The following CCDC92 variants were observed in gnomAD, a reference collection of about 807,000 sequenced individuals.
CCDC92 encodes coiled-coil domain containing 92, also known as coiled-coil domain-containing protein 92.
In CCDC92, 12 loss-of-function variants were observed where a neutral mutation model predicts 24.9. The observed-to-expected ratio is 0.48, with a 90% CI of 0.31 to 0.78. The LOEUF (loss-of-function observed/expected upper bound fraction) is 0.78, where lower values mean the gene tolerates loss of function less well. Ranked by LOEUF, CCDC92 falls within the 30% of genes least tolerant of loss-of-function variation. The pLI, the probability that CCDC92 is intolerant of heterozygous loss-of-function variation, is 0.05. For missense variants in CCDC92, 399 were observed against 439.4 expected (o/e 0.91, Z 0.82); for synonymous variants, 193 against 196.3 (o/e 0.98, Z 0.14).
At chr12:123,951,298 A>G (rs1231855954) in intron 1 of CCDC92, among the ~76,000 whole-genome samples, 2 of 152,208 alleles carry the variant, frequency 1.3e-5, no homozygotes, top group Admixed American at 1.3e-4. Flanking sequence ...TTCCAGAAGC[A>G]ATATTCCAAC....
chr12:123,950,639 A>C (rs1956002399), intron 1 of CCDC92, among the ~76,000 whole-genome samples: 1 of 151,668 alleles, frequency 6.6e-6, no homozygotes, highest in South Asian at 2.1e-4. Context: ...GGGCAGACTC[A>C]CTCTCTTCCC....
chr12:123,957,594 A>C (rs527709467), intron 1 of CCDC92, among the ~76,000 whole-genome samples: 1 of 152,290 alleles, frequency 6.6e-6, no homozygotes, highest in African/African-American at 2.4e-5. Context: ...ACATTTGTTA[A>C]TGAGAAGCTG....
chr12:123,965,733 A>G (rs1347532153), intron 1 of CCDC92, among the ~76,000 whole-genome samples: 1 of 152,222 alleles, frequency 6.6e-6, no homozygotes, highest in Non-Finnish European at 1.5e-5. Context: ...GGTAGCTCCA[A>G]AGTGCCTTCA....
At chr12:123,949,730 G>C (rs574872598) in intron 1 of CCDC92, among the ~76,000 whole-genome samples, 1 of 152,206 alleles carries the variant, frequency 6.6e-6, no homozygotes, top group Non-Finnish European at 1.5e-5. Context: ...CTCAAAAAAG[G>C]CTTTTCATTC....
intron 1 of CCDC92, among the ~76,000 whole-genome samples, chr12:123,965,385 T>C (rs1956368079): frequency 6.6e-6 from 1 of 152,216 alleles, no homozygotes; most frequent in Non-Finnish European, 1.5e-5. Context: ...GTATATTCTG[T>C]CCAGAAGTCA....
At chr12:123,959,247 T>C (rs1285688225) in intron 1 of CCDC92, among the ~76,000 whole-genome samples, 1 of 152,154 alleles carries the variant, frequency 6.6e-6, no homozygotes. Flanking sequence ...AATGGAACTT[T>C]CTGTGATGAT....
chr12:123,936,700 G>A lies in CCDC92; in HGVS notation c.*358C>T. 2.9e-6 allele frequency: 1 copy of A among 340,696 alleles called. No homozygotes were observed. 21.1% of individuals were successfully genotyped at this position (340,696 alleles called of 1,614,324 possible). A position where few individuals can be genotyped will look rare whatever the true frequency, so the allele number is the denominator to read the frequency against. ...TTGAGGATAAGGTCAAGGTTGGTAT[G>A]TGTTGCTCCGACTTGAGAATGAATT... On this transcript the variant is annotated 3_prime_UTR_variant, in exon 5 of 5. Coordinates refer to ENST00000238156, the MANE Select transcript of CCDC92 (RefSeq NM_025140.3).
Position 123,944,316 on chromosome 12 carries a change from G to A in CCDC92, c.-11C>T. The stretch of plus-strand genomic sequence containing the variant: ...ATGTGGTGAAGTCATGGGTCTTTCT[G>A]GAAAAGCTACCAGAGTAATTCAAGA... On this transcript the variant is annotated 5_prime_UTR_variant, in exon 2 of 5. Transcript: ENST00000238156. 1 of 1,576,996 alleles carries A rather than the reference G, an allele frequency of 6.3e-7. No homozygotes were observed. The highest frequency in any genetic ancestry group is 8.6e-7 in the Non-Finnish European group (1 of 1,166,116).
At position 123,953,507 on chromosome 12, in the gene CCDC92, A is replaced by G. The variant is rs577560114; in HGVS notation, c.-59-9143T>C. ...TAAAACATTTGTCTCAGCCAGGCACAGTGGCTCATGCCTGTAATCCCAGCA... is the reference window on the plus strand; with the variant it reads ...TAAAACATTTGTCTCAGCCAGGCACGGTGGCTCATGCCTGTAATCCCAGCA... On this transcript the variant is annotated intron_variant, in intron 1 of 4. Transcript: ENST00000238156. Among the ~76,000 whole-genome samples, 549 of 152,360 alleles carry G rather than the reference A, an allele frequency of 3.6e-3. 1 individual carries two copies. The highest frequency in any genetic ancestry group is 8.8e-3 in the Admixed American group (135 of 15,296).
Position 123,943,429 on chromosome 12 carries a change from GTTC to G in CCDC92, c.96_98del (p.Lys32del). 6.2e-7 allele frequency: 1 copy of G among 1,614,142 alleles called. No individual in the cohort carries two copies. The highest frequency in any genetic ancestry group is 8.5e-7 in the Non-Finnish European group (1 of 1,179,998). On this transcript the variant is annotated inframe_deletion, in exon 3 of 5. Transcript: ENST00000238156. ...CATGCTCCCGCTGAAGGAACAGGAG[GTTC>G]TTCTGTGCGCTGTGCAGCTGGTTCT...
intron 1 of CCDC92, among the ~76,000 whole-genome samples, chr12:123,947,840 G>A (rs770316924): frequency 3.9e-5 from 6 of 152,062 alleles, no homozygotes; most frequent in South Asian, 2.1e-4. Context: ...TTGTTCTTTC[G>A]CTCTTTGCAA....
chr12:123,944,190 G>A (rs1955776763), intron 2 of CCDC92, 82 bp downstream of exon 2: 3 of 869,522 alleles, frequency 3.5e-6, no homozygotes, highest in Non-Finnish European at 5.9e-6. Flanking sequence ...TGGTGCAGGT[G>A]TCTGGAGTCT....
chr12:123,971,901 G>A (rs1012507484), intron 1 of CCDC92: 17 of 152,316 alleles, frequency 1.1e-4, no homozygotes, highest in African/African-American at 4.1e-4. Context: ...TTACGGAAAG[G>A]CTACCAGGAC....
chr12:123,958,048 A>AT, intron 1 of CCDC92, among the ~76,000 whole-genome samples: 1 of 149,144 alleles, frequency 6.7e-6, no homozygotes, highest in Non-Finnish European at 1.5e-5. Context: ...GATTATACTC[A>AT]TTTTTTATTT....
At position 123,937,156 on chromosome 12, in the gene CCDC92, G is replaced by A. The variant is rs1348825981; in HGVS notation, c.898C>T (p.Pro300Ser). ...TTCACCTCGGGCTGGGCCTGCGGCGGGGTGGCGTGGTGGATCCGATGTGCC... is the reference window on the plus strand; with the variant it reads ...TTCACCTCGGGCTGGGCCTGCGGCGAGGTGGCGTGGTGGATCCGATGTGCC... ...GVAHRIHHAT[P>S]PQAQPEVKTL... The change falls in exon 5 of 5, where the codon CCG becomes TCG. Residue 300 changes from proline (P) to serine (S), a missense_variant. By Grantham distance (74) the Pro-to-Ser change is moderately conservative. Coordinates refer to ENST00000238156, the MANE Select transcript of CCDC92 (RefSeq NM_025140.3). This position sits in a 1 kb window ranked among gnomAD's most constrained non-coding sequence, Gnocchi z 8.4. 1.9e-6 allele frequency: 3 copies of A among 1,611,630 alleles called. No homozygotes were observed. Among genetic ancestry groups the A allele is most frequent in the East Asian group, 2.2e-5 (1 of 44,856 alleles).
intron 1 of CCDC92, chr12:123,962,663 G>A (rs1395201099): frequency 6.5e-6 from 1 of 153,886 alleles, no homozygotes; most frequent in African/African-American, 2.4e-5. Context: ...AGAGAGGAAG[G>A]TGGCGACTCT....
chr12:123,939,700 C>G (rs1446996474), intron 4 of CCDC92, among the ~76,000 whole-genome samples: 1 of 152,094 alleles, frequency 6.6e-6, no homozygotes, highest in African/African-American at 2.4e-5. Flanking sequence ...GCAGTACTAC[C>G]TTTCATGAGG....
In CCDC92 at chr12:123,967,517, C is replaced by T. The variant is rs573274590; in HGVS notation, c.-60+5012G>A. On this transcript the variant is annotated intron_variant, in intron 1 of 4. Coordinates refer to ENST00000238156, the MANE Select transcript of CCDC92 (RefSeq NM_025140.3). ...CATCTGGGTTGATGTGTGTGACAGC[C>T]GAAGAGAAAGGAGTTACAAAAAGCC... Among the ~76,000 whole-genome samples, 7 of 152,130 alleles carry T rather than the reference C, an allele frequency of 4.6e-5. No individual in the cohort carries two copies. The South Asian group carries it at 1.0e-3, about 23-fold the overall frequency.
At chr12:123,944,173 C>G in intron 2 of CCDC92, 99 bp downstream of exon 2, 3 of 791,886 alleles carry the variant, frequency 3.8e-6, no homozygotes, top group South Asian at 1.4e-5. Flanking sequence ...CTCATGGGGC[C>G]AGGGGGTGGT....
Sources: gnomAD v4.1 joint callset for allele counts (sites outside exome capture counted in the v4.1 genomes callset) on GRCh38, gnomAD v4.1.1 for gene constraint, Gnocchi (gnomAD v3.1) non-coding constraint, MANE v1.5 for transcripts, NCBI Gene and HGNC (gene_info 2026-07-23, HGNC 2026-07-21) for gene names.